TENM3: variants seen among roughly 807,000 people sequenced by gnomAD.
The protein encoded by TENM3 is teneurin transmembrane protein 3, also known as teneurin-3.
In TENM3, 63 loss-of-function variants were observed where a neutral mutation model predicts 255.1. The ratio of observed to expected loss-of-function variants is 0.25; its 90% confidence interval spans 0.20 to 0.30. The LOEUF is 0.30. Among genes scored for constraint, TENM3 ranks in the 10% least tolerant of loss-of-function variants. TENM3 has a pLI of 1.00. For synonymous variants in TENM3, 1,306 were observed against 1,322.3 expected, an observed-to-expected ratio of 0.99 and a Z score of 0.27; for missense variants, 2,929 against 3,461.1, an observed-to-expected ratio of 0.85 and a Z score of 3.86.
chr4:182,506,197 C>T lies in TENM3; in HGVS notation c.512-94727C>T, dbSNP rs191887983. On this transcript the variant is annotated intron_variant, in intron 3 of 27. Coordinates refer to ENST00000511685, the MANE Select transcript of TENM3 (RefSeq NM_001080477.4). ...CACTTTAGCCCTGTGCATATGACCC[C>T]GAAACCATGTTTATAATGTGTAAGC... Among the ~76,000 whole-genome samples the T allele has an allele frequency of 3.3e-5, 5 of 152,270 alleles. No homozygotes were observed. In the East Asian group the frequency reaches 7.7e-4, roughly 24 times the overall value.
intron 3 of TENM3, among the ~76,000 whole-genome samples, chr4:182,465,038 A>G (rs372985286): frequency 6.6e-6 from 1 of 152,126 alleles, no homozygotes; most frequent in African/African-American, 2.4e-5. Context: ...AATGTCATTG[A>G]GGTACTTTTT....
intron 3 of TENM3, among the ~76,000 whole-genome samples, chr4:182,591,396 A>G (rs1746636233): frequency 1.3e-5 from 2 of 152,202 alleles, no homozygotes; most frequent in Admixed American, 1.3e-4. Flanking sequence ...TCTGAGTAAT[A>G]CCTTCTAGGC....
intron 1 of TENM3, among the ~76,000 whole-genome samples, chr4:182,203,857 A>G (rs949835178): frequency 2.6e-5 from 4 of 152,192 alleles, no homozygotes; most frequent in Admixed American, 6.5e-5. Context: ...CCTCCTAAAC[A>G]TGGTGGAAGC....
At chr4:181,899,870 C>G in the TENM3 span, among the ~76,000 whole-genome samples, 1 of 152,104 alleles carries the variant, frequency 6.6e-6, no homozygotes, top group Non-Finnish European at 1.5e-5. Context: ...AGGATCCTAA[C>G]AGTATTTTTA....
chr4:182,419,333 C>T (rs148028359), intron 3 of TENM3, among the ~76,000 whole-genome samples: 1 of 152,128 alleles, frequency 6.6e-6, no homozygotes, highest in Non-Finnish European at 1.5e-5. Flanking sequence ...CCATCTCACA[C>T]CAGTTCGAAT....
the TENM3 span, among the ~76,000 whole-genome samples, chr4:181,905,110 T>C: frequency 6.6e-6 from 1 of 152,226 alleles, no homozygotes; most frequent in African/African-American, 2.4e-5. Flanking sequence ...CTCAGATATG[T>C]CTTTATCAAC....
At chr4:182,441,320 A>C (rs1268760824) in intron 3 of TENM3, among the ~76,000 whole-genome samples, 1 of 152,196 alleles carries the variant, frequency 6.6e-6, no homozygotes, top group African/African-American at 2.4e-5. Context: ...TATGTGAGAG[A>C]GACACAGACA....
chr4:181,580,802 T>A, the TENM3 span, among the ~76,000 whole-genome samples: 1 of 152,220 alleles, frequency 6.6e-6, no homozygotes. Context: ...CTTGGTGGCC[T>A]GTCTTCATAA....
At chr4:181,596,269 C>G in the TENM3 span, among the ~76,000 whole-genome samples, 2 of 152,186 alleles carry the variant, frequency 1.3e-5, no homozygotes, top group African/African-American at 2.4e-5. Flanking sequence ...CAAAATTATT[C>G]TCCAAATCTG....
chr4:182,124,266 G>A, the TENM3 span, among the ~76,000 whole-genome samples: 1 of 152,044 alleles, frequency 6.6e-6, no homozygotes, highest in African/African-American at 2.4e-5. Context: ...TGGTCAGGCT[G>A]GTCTCAAACT....
chr4:182,766,008 A>G (rs1763686972), intron 22 of TENM3, among the ~76,000 whole-genome samples: 1 of 152,204 alleles, frequency 6.6e-6, no homozygotes, highest in Non-Finnish European at 1.5e-5. Flanking sequence ...ATTTATAGTA[A>G]TAAATAGAAT....
chr4:182,029,436 G>C, the TENM3 span, among the ~76,000 whole-genome samples: 1 of 152,118 alleles, frequency 6.6e-6, no homozygotes, highest in Non-Finnish European at 1.5e-5. Flanking sequence ...GAGTATTGAA[G>C]TCTCCAGCTA....
the TENM3 span, among the ~76,000 whole-genome samples, chr4:181,931,239 A>G: frequency 6.6e-6 from 1 of 152,248 alleles, no homozygotes; most frequent in African/African-American, 2.4e-5. Context: ...CTGTTTGCAG[A>G]TGACATAATT....
chr4:182,091,794 A>G, the TENM3 span, among the ~76,000 whole-genome samples: 1 of 152,258 alleles, frequency 6.6e-6, no homozygotes, highest in African/African-American at 2.4e-5. Flanking sequence ...ATTTCACGGG[A>G]GCGTGAGAAA....
At chr4:181,448,255 C>T in the TENM3 span, among the ~76,000 whole-genome samples, 1 of 143,184 alleles carries the variant, frequency 7.0e-6, no homozygotes, top group Admixed American at 7.3e-5. Context: ...CAAGCTCCGC[C>T]TCCCGGGTTC....
chr4:182,730,277 A>T lies in TENM3; in HGVS notation c.2663A>T (p.His888Leu). ...PLIGVNVSFF[H>L]YPEYGYTITR... The stretch of plus-strand genomic sequence containing the variant: ...ATTGGAGTAAATGTCTCGTTTTTCC[A>T]TTACCCAGAATATGGATATACTATT... The change falls in exon 15 of 28, where the codon CAT becomes CTT. Residue 888 changes from histidine to leucine, a missense_variant. This residue lies in a region of TENM3 where 1,608 missense variants were observed against 1,884.4 expected (regional missense o/e 0.85). Transcript: ENST00000511685. The T allele has an allele frequency of 6.2e-7, 1 of 1,613,872 alleles. No individual in the cohort carries two copies. Among genetic ancestry groups the T allele is most frequent in the South Asian group, 1.1e-5 (1 of 91,080 alleles).
chr4:182,371,453 C>T (rs1330548381), intron 3 of TENM3, among the ~76,000 whole-genome samples: 1 of 152,146 alleles, frequency 6.6e-6, no homozygotes, highest in Non-Finnish European at 1.5e-5. Flanking sequence ...TGACCCTTTT[C>T]TTCAATCTGA....
At position 182,775,275 on chromosome 4, in the gene TENM3, C is replaced by G. The variant is rs1194691017; in HGVS notation, c.5304+122C>G. 3.5e-6 allele frequency: 3 copies of G among 859,724 alleles called. No individual in the cohort carries two copies. The East Asian group carries it at 7.9e-5, about 23-fold the overall frequency. The allele number at this position is 859,724 out of a possible 1,614,324, so 53.3% of individuals were successfully genotyped here. ...CTACACTGAGTATGAGCACCTCGCT[C>G]AGTGTGGTTCCAATCCCACATGGGC... On this transcript the variant is annotated intron_variant, in intron 24 of 27. Coordinates refer to ENST00000511685, the MANE Select transcript of TENM3 (RefSeq NM_001080477.4).
chr4:182,288,943 G>C (rs2150313098), intron 1 of TENM3, among the ~76,000 whole-genome samples: 1 of 152,294 alleles, frequency 6.6e-6, no homozygotes, highest in East Asian at 1.9e-4. Context: ...TTCATGCGAG[G>C]GCCAGGTGCA....
Sources: allele counts gnomAD v4.1 joint callset (sites outside exome capture counted in the v4.1 genomes callset), GRCh38; gene constraint gnomAD v4.1.1; regional missense constraint gnomAD v4.1.1; transcripts MANE v1.5; gene names NCBI Gene and HGNC (gene_info 2026-07-23, HGNC 2026-07-21).